C4orf51: variants seen among roughly 807,000 people sequenced by gnomAD.
C4orf51 encodes the protein chromosome 4 open reading frame 51.
In C4orf51, 25 loss-of-function variants were observed where a neutral mutation model predicts 25.2. The ratio of observed to expected loss-of-function variants is 0.99; its 90% CI spans 0.72 to 1.39. The LOEUF (loss-of-function observed/expected upper bound fraction) is 1.39, where lower values mean the gene tolerates loss of function less well. C4orf51 is among the 40% of genes most tolerant of loss of function. The pLI is 0.00. For synonymous variants in C4orf51, 100 were observed against 84.5 expected (o/e 1.18, Z -1.01); for missense variants, 252 against 239.6 (o/e 1.05, Z -0.34).
At chr4:145,694,237 C>G (rs1729870365) in intron 1 of C4orf51, among the ~76,000 whole-genome samples, 1 of 141,974 alleles carries the variant, frequency 7.0e-6, no homozygotes, top group Admixed American at 6.9e-5. Context: ...CTCCTCACTT[C>G]CTAGATGGGA....
chr4:145,740,704 G>A (rs560016854), intron 1 of C4orf51, among the ~76,000 whole-genome samples: 10 of 152,252 alleles, frequency 6.6e-5, no homozygotes, highest in South Asian at 2.1e-4. Flanking sequence ...TGGATTTGCC[G>A]CTTTAATGGA....
the C4orf51 span, among the ~76,000 whole-genome samples, chr4:145,777,044 T>C: frequency 1.3e-5 from 2 of 152,208 alleles, no homozygotes; most frequent in African/African-American, 4.8e-5. Context: ...TTACTTGGTA[T>C]TACTGTGCCT....
the C4orf51 span, among the ~76,000 whole-genome samples, chr4:145,778,898 T>C: frequency 6.6e-6 from 1 of 152,218 alleles, no homozygotes; most frequent in Non-Finnish European, 1.5e-5. Flanking sequence ...TACTATTTAT[T>C]CCTCCTTGTT....
intron 1 of C4orf51, among the ~76,000 whole-genome samples, chr4:145,688,879 AAAAT>A (rs148682348): frequency 0.27 from 40,780 of 151,876 alleles, 5,685 homozygotes; most frequent in East Asian, 0.42. Context: ...AGACACTCTC[AAAAT>A]AAATAAACAA....
At chr4:145,725,936 A>G (rs1007161467) in intron 2 of C4orf51, among the ~76,000 whole-genome samples, 2 of 152,226 alleles carry the variant, frequency 1.3e-5, no homozygotes, top group Non-Finnish European at 2.9e-5. Context: ...TATAAGTTAT[A>G]TATCAATAAA....
intron 2 of C4orf51, among the ~76,000 whole-genome samples, chr4:145,699,515 T>G (rs1730291996): frequency 6.6e-6 from 1 of 152,146 alleles, no homozygotes; most frequent in Non-Finnish European, 1.5e-5. Context: ...AGTCTCTCCC[T>G]TCTCTTAATT....
chr4:145,725,250 C>T (rs1433855952), intron 2 of C4orf51, among the ~76,000 whole-genome samples: 5 of 152,036 alleles, frequency 3.3e-5, no homozygotes, highest in Admixed American at 2.0e-4. Context: ...TACTACTTCA[C>T]ATCCATTAGA....
intron 1 of C4orf51, among the ~76,000 whole-genome samples, chr4:145,680,921 A>T (rs1339599945): frequency 1.3e-5 from 2 of 152,224 alleles, no homozygotes; most frequent in Non-Finnish European, 2.9e-5. Flanking sequence ...ACTTCAGTTT[A>T]TAAAGTGACT....
chr4:145,715,538 T>C lies in C4orf51; in HGVS notation c.308-11373T>C, dbSNP rs144986205. Among the ~76,000 whole-genome samples, 636 of 152,252 alleles carry C rather than the reference T, an allele frequency of 4.2e-3. 5 individuals carry two copies. Among genetic ancestry groups the C allele is most frequent in the Middle Eastern group, 0.034 (10 of 294 alleles). ...ACGGGTAAAGGGAAACTGTTCTTCT[T>C]ACCCTCTTCAATGCATCTATTCTTG... On this transcript the variant is annotated intron_variant, in intron 2 of 5. Transcript: ENST00000438731.
At chr4:145,760,720 G>GTTTTTTTTTTTTTTTTTTTT (rs10715391) in intron 1 of C4orf51, 1 of 672,792 alleles carries the variant, frequency 1.5e-6, no homozygotes. Flanking sequence ...AAGTTTTGTG[G>GTTTTTTTTTTTTTTTTTTTT]TTTTTTTTTT....
intron 2 of C4orf51, among the ~76,000 whole-genome samples, chr4:145,726,154 A>T (rs1432268113): frequency 6.6e-6 from 1 of 152,156 alleles, no homozygotes; most frequent in Admixed American, 6.5e-5. Flanking sequence ...TACCTGTTTG[A>T]TGCTTACTTT....
At chr4:145,788,699 C>T in the C4orf51 span, among the ~76,000 whole-genome samples, 86 of 152,240 alleles carry the variant, frequency 5.6e-4, no homozygotes, top group African/African-American at 2.0e-3. Context: ...GTCTAAAGGA[C>T]CTGGTTATTA....
the C4orf51 span, chr4:145,779,248 G>A: frequency 2.4e-6 from 3 of 1,273,464 alleles, no homozygotes; most frequent in South Asian, 5.1e-5. Context: ...AGAGAAAATG[G>A]CTTGAAAAGG....
At chr4:145,680,483 A>G (rs1728763650) in intron 1 of C4orf51, 47 bp downstream of exon 1, 2 of 1,374,600 alleles carry the variant, frequency 1.5e-6, no homozygotes, top group Non-Finnish European at 2.0e-6. Context: ...CTATAAATAG[A>G]CAAGAGTGCT....
chr4:145,742,496 T>A (rs1011130116), intron 1 of C4orf51, among the ~76,000 whole-genome samples: 25 of 152,056 alleles, frequency 1.6e-4, no homozygotes, highest in Admixed American at 5.2e-4. Flanking sequence ...TGGAATACAT[T>A]TTCAGTTTTC....
Position 145,680,323 on chromosome 4 carries a change from G to T in C4orf51, c.120G>T (p.Trp40Cys). The change falls in exon 1 of 6, where the codon TGG becomes TGT. Residue 40 changes from tryptophan (W) to cysteine (C), a missense_variant. Coordinates refer to ENST00000438731, the MANE Select transcript of C4orf51 (RefSeq NM_001080531.3). ...CATCTTGGCAGGATGAAACACGATG[G>T]TCAGATTCTTCCGTGACAACATACA... Reference protein sequence around the residue: ...AGASWQDETRWSDSSVTTYTG... With the variant: ...AGASWQDETRCSDSSVTTYTG... 6.2e-7 allele frequency: 1 copy of T among 1,613,934 alleles called. No individual in the cohort carries two copies. The highest frequency in any genetic ancestry group is 8.5e-7 in the Non-Finnish European group (1 of 1,179,866).
At chr4:145,737,441 A>T (rs1229778472), downstream of C4orf51, among the ~76,000 whole-genome samples, 6 of 152,252 alleles carry the variant, frequency 3.9e-5, no homozygotes, top group Non-Finnish European at 5.9e-5. Context: ...CTTTCTAATT[A>T]CAAAAATAAA....
At chr4:145,682,991 G>A (rs1346716744) in intron 1 of C4orf51, among the ~76,000 whole-genome samples, 1 of 151,150 alleles carries the variant, frequency 6.6e-6, no homozygotes, top group Non-Finnish European at 1.5e-5. Context: ...AAATCTGAAA[G>A]AATCAGCAAA....
intron 5 of C4orf51, among the ~76,000 whole-genome samples, chr4:145,731,861 C>T (rs1358292681): frequency 6.6e-6 from 1 of 150,842 alleles, no homozygotes; most frequent in East Asian, 2.0e-4. Context: ...GGATTACAGG[C>T]GTGAGCCACC....
Sources: allele counts gnomAD v4.1 joint callset (sites outside exome capture counted in the v4.1 genomes callset), GRCh38; gene constraint gnomAD v4.1.1; transcripts MANE v1.5; gene names NCBI Gene and HGNC (gene_info 2026-07-23, HGNC 2026-07-21).